The following FSTL4 variants were observed in gnomAD, a reference collection of about 807,000 sequenced individuals.
The protein encoded by FSTL4 is follistatin-related protein 4.
In FSTL4, 28 loss-of-function variants were observed where a neutral mutation model predicts 78.2. The ratio of observed to expected loss-of-function variants is 0.36; its 90% CI spans 0.27 to 0.49. FSTL4 has a LOEUF of 0.49. FSTL4 is among the 20% of genes least tolerant of loss of function. The probability of loss-of-function intolerance (pLI) is 0.98; values close to 1 mark genes in which losing one functional copy is unlikely to be tolerated. For missense variants in FSTL4, 922 were observed against 1,084.9 expected (o/e 0.85, Z 2.11); for synonymous variants, 422 against 440.5 (o/e 0.96, Z 0.53).
At chr5:133,277,770 T>C (rs922904889) in intron 6 of FSTL4, among the ~76,000 whole-genome samples, 12 of 151,988 alleles carry the variant, frequency 7.9e-5, no homozygotes, top group African/African-American at 2.9e-4. Flanking sequence ...TGGGCTTTCT[T>C]CCCCCACCGG....
chr5:133,433,561 GAA>G (rs1756981627), intron 3 of FSTL4, among the ~76,000 whole-genome samples: 1 of 152,170 alleles, frequency 6.6e-6, no homozygotes, highest in South Asian at 2.1e-4. Flanking sequence ...TGTTCTAAGT[GAA>G]TATAGCAGCC....
At chr5:133,631,061 G>A in the FSTL4 span, among the ~76,000 whole-genome samples, 2 of 152,070 alleles carry the variant, frequency 1.3e-5, no homozygotes, top group African/African-American at 2.4e-5. Context: ...GCAAACCTAG[G>A]CGATACCATT....
intron 3 of FSTL4, among the ~76,000 whole-genome samples, chr5:133,540,603 A>G (rs1759445227): frequency 6.6e-6 from 1 of 150,414 alleles, no homozygotes; most frequent in Non-Finnish European, 1.5e-5. Context: ...ACTTTTCACC[A>G]CCTTTGAGAG....
At chr5:133,720,482 G>C in the FSTL4 span, 2 of 153,296 alleles carry the variant, frequency 1.3e-5, no homozygotes, top group African/African-American at 4.8e-5. Flanking sequence ...AGGATTCCAA[G>C]TAGTGAAGAA....
the FSTL4 span, among the ~76,000 whole-genome samples, chr5:133,669,116 CA>C: frequency 6.6e-6 from 1 of 152,136 alleles, no homozygotes; most frequent in Non-Finnish European, 1.5e-5. Context: ...TAGGGAACAC[CA>C]GAAAAATCCC....
At position 133,202,023 on chromosome 5, in the gene FSTL4, G is replaced by A; in HGVS notation, c.1736C>T (p.Thr579Ile). The change falls in exon 15 of 16, where the codon ACC becomes ATC. Residue 579 changes from threonine (T) to isoleucine (I), a missense_variant. By Grantham distance (89) the Thr-to-Ile change is moderately conservative (BLOSUM62 -1). Coordinates refer to ENST00000265342, the MANE Select transcript of FSTL4 (RefSeq NM_015082.2). ...GCGGATGAGGTGCTGGCTCTGGCCG[G>A]TGCTGGCTTCTGTGATCACCTACAA... Reference protein sequence around the residue: ...PSLQVITEASTGQSQHLIRTP... With the variant: ...PSLQVITEASIGQSQHLIRTP... 4.3e-6 allele frequency: 7 copies of A among 1,609,828 alleles called. No homozygotes were observed. The highest frequency in any genetic ancestry group is 5.9e-6 in the Non-Finnish European group (7 of 1,177,240).
intron 3 of FSTL4, among the ~76,000 whole-genome samples, chr5:133,539,298 CCT>C (rs1759419640): frequency 6.6e-6 from 1 of 152,090 alleles, no homozygotes; most frequent in Non-Finnish European, 1.5e-5. Flanking sequence ...ATGCAATAAT[CCT>C]CTCTCTAATA....
At chr5:133,303,216 T>C (rs1753586691) in intron 6 of FSTL4, among the ~76,000 whole-genome samples, 1 of 152,144 alleles carries the variant, frequency 6.6e-6, no homozygotes, top group South Asian at 2.1e-4. Context: ...AGAGTGAGGG[T>C]GTGGGGAATG....
chr5:133,238,113 G>C (rs1456568008), intron 7 of FSTL4, among the ~76,000 whole-genome samples: 1 of 152,152 alleles, frequency 6.6e-6, no homozygotes, highest in African/African-American at 2.4e-5. Context: ...TGTTGTCATA[G>C]TGATCCATGG....
chr5:133,818,734 A>AC, the FSTL4 span, among the ~76,000 whole-genome samples: 17,763 of 150,342 alleles, frequency 0.12, 1,149 homozygotes, highest in East Asian at 0.19. Context: ...GCCCTAATGA[A>AC]CAGATCTATG....
chr5:133,275,952 A>C (rs913930742), intron 6 of FSTL4: 3 of 152,184 alleles, frequency 2.0e-5, no homozygotes, highest in Non-Finnish European at 4.4e-5. Context: ...TGTCCCATTA[A>C]ATTAATGTTG....
chr5:133,201,716 T>A (rs1178077663), intron 15 of FSTL4, among the ~76,000 whole-genome samples: 1 of 152,190 alleles, frequency 6.6e-6, no homozygotes, highest in Non-Finnish European at 1.5e-5. Flanking sequence ...AGGAGCTGGG[T>A]GCCTTCAGTA....
Position 133,440,378 on chromosome 5 carries a change from A to G in FSTL4, c.161-39392T>C, listed in dbSNP as rs1229461773. 6.6e-6 allele frequency among the ~76,000 whole-genome samples: 1 copy of G among 152,196 alleles called. No individual in the cohort carries two copies. The highest frequency in any genetic ancestry group is 1.9e-4 in the East Asian group (1 of 5,186). On this transcript the variant is annotated intron_variant, in intron 3 of 15. Coordinates refer to ENST00000265342, the MANE Select transcript of FSTL4 (RefSeq NM_015082.2). This position sits in a 1 kb window ranked among gnomAD's most constrained non-coding sequence, Gnocchi z 4.1. The stretch of plus-strand genomic sequence containing the variant: ...GGCCCTTTCTTGTGGAAGGCTCAGC[A>G]TCTGTCAGCTTCTGCTCCACAGGCC...
intron 5 of FSTL4, among the ~76,000 whole-genome samples, chr5:133,314,364 C>A (rs1442155558): frequency 1.3e-5 from 2 of 152,206 alleles, no homozygotes; most frequent in Non-Finnish European, 2.9e-5. Flanking sequence ...CAGCAAGCCT[C>A]CTGGGATGCA....
chr5:133,620,299 C>A, the FSTL4 span, among the ~76,000 whole-genome samples: 27 of 152,314 alleles, frequency 1.8e-4, no homozygotes, highest in African/African-American at 6.0e-4. Flanking sequence ...TCCAAGCACT[C>A]TGCAAATAAC....
chr5:133,316,140 A>G (rs1753897448), intron 5 of FSTL4, among the ~76,000 whole-genome samples: 1 of 152,244 alleles, frequency 6.6e-6, no homozygotes, highest in South Asian at 2.1e-4. Context: ...ATGGTGTTCA[A>G]TGGAAACCAA....
intron 3 of FSTL4, among the ~76,000 whole-genome samples, chr5:133,432,286 T>G (rs1057069924): frequency 2.0e-4 from 31 of 152,244 alleles, no homozygotes; most frequent in African/African-American, 7.5e-4. Context: ...TTTTTGTATG[T>G]CACAATGCCT....
At chr5:133,399,128 A>T (rs1350615924) in intron 4 of FSTL4, among the ~76,000 whole-genome samples, 1 of 152,184 alleles carries the variant, frequency 6.6e-6, no homozygotes, top group Non-Finnish European at 1.5e-5. Flanking sequence ...CTGATGCAGA[A>T]ATAGAAACCT....
the FSTL4 span, among the ~76,000 whole-genome samples, chr5:133,746,161 G>A: frequency 6.6e-6 from 1 of 152,182 alleles, no homozygotes; most frequent in Admixed American, 6.5e-5. Context: ...TCACAATGAG[G>A]CTTTGTCCTA....
Sources: gnomAD v4.1 joint callset for allele counts (sites outside exome capture counted in the v4.1 genomes callset) on GRCh38, gnomAD v4.1.1 for gene constraint, Gnocchi (gnomAD v3.1) non-coding constraint, MANE v1.5 for transcripts, NCBI Gene and HGNC (gene_info 2026-07-23, HGNC 2026-07-21) for gene names.